SHCBP1L: variants seen among roughly 807,000 people sequenced by gnomAD.
The protein encoded by SHCBP1L is testicular spindle-associated protein SHCBP1L.
A neutral mutation model predicts 62.5 loss-of-function variants in SHCBP1L; 67 were observed. That is an observed-to-expected ratio of 1.07 (90% CI 0.88 to 1.31). SHCBP1L has a LOEUF of 1.31. Among genes scored for constraint, SHCBP1L ranks in the 40% most tolerant of loss-of-function variants. SHCBP1L has a pLI of 0.00. For synonymous variants in SHCBP1L, 284 were observed against 289.4 expected (o/e 0.98, Z 0.19); for missense variants, 823 against 809.8 (o/e 1.02, Z -0.20).
rs762530531 is a variant in SHCBP1L, at chr1:182,900,018, T to C, written c.1927A>G (p.Asn643Asp). Reference sequence around the variant, plus strand: ...ACTATTCTGATATCCCCCTTGACGTTTGCTTCTATCTTATTATTATTCATT... The same window carrying C: ...ACTATTCTGATATCCCCCTTGACGTCTGCTTCTATCTTATTATTATTCATT... ...LEMNNNKIEA[N>D]VKGDIRIVTS Residue 643 changes from asparagine (N) to aspartate (D), a missense_variant, in exon 10 of 10, where the codon AAC becomes GAC. Asn to Asp is a conservative substitution (Grantham distance 23). Coordinates refer to ENST00000367547, the MANE Select transcript of SHCBP1L (RefSeq NM_030933.4). The C allele has an allele frequency of 6.2e-7, 1 of 1,612,002 alleles. No individual in the cohort carries two copies. The highest frequency in any genetic ancestry group is 1.7e-5 in the Admixed American group (1 of 59,658).
chr1:182,928,355 A>G (rs1358915868), intron 6 of SHCBP1L, among the ~76,000 whole-genome samples: 1 of 152,220 alleles, frequency 6.6e-6, no homozygotes, highest in African/African-American at 2.4e-5. Context: ...TTTGCTCTCA[A>G]GAAGCTCACA....
intron 6 of SHCBP1L, among the ~76,000 whole-genome samples, chr1:182,925,103 GAAGA>G (rs1650700318): frequency 1.3e-5 from 2 of 151,374 alleles, no homozygotes; most frequent in African/African-American, 4.8e-5. Flanking sequence ...GGAAAGAAGT[GAAGA>G]AAGAAAGAAG....
intron 5 of SHCBP1L, among the ~76,000 whole-genome samples, chr1:182,931,134 T>C (rs914233700): frequency 6.6e-6 from 1 of 152,134 alleles, no homozygotes; most frequent in Non-Finnish European, 1.5e-5. Context: ...TTTAAACATA[T>C]AGCAGTATCC....
At chr1:182,948,196 C>A (rs1048782019) in intron 2 of SHCBP1L, among the ~76,000 whole-genome samples, 2 of 152,094 alleles carry the variant, frequency 1.3e-5, no homozygotes, top group African/African-American at 4.8e-5. Context: ...GGAGTCAACA[C>A]TATGTTTCTA....
At chr1:182,934,790 T>G (rs547367233) in intron 5 of SHCBP1L, among the ~76,000 whole-genome samples, 43 of 152,180 alleles carry the variant, frequency 2.8e-4, no homozygotes, top group Non-Finnish European at 5.6e-4. Flanking sequence ...ATGAGTCTTA[T>G]AGTTTTGAGT....
At chr1:182,920,166 C>T (rs909437109) in intron 6 of SHCBP1L, among the ~76,000 whole-genome samples, 3 of 152,196 alleles carry the variant, frequency 2.0e-5, no homozygotes, top group Admixed American at 2.0e-4. Context: ...TTAGCACTCA[C>T]CATCGAAGTG....
Position 182,939,291 on chromosome 1 carries a change from G to C in SHCBP1L, c.961C>G (p.Gln321Glu), listed in dbSNP as rs1651275982. ...GATGGATCTTCTTTAATATTGCTCT[G>C]ATACTCAATGAGCTCGACACGTTTG... ...KNKRVELIEYQSNIKEDPSAA... is the reference protein window; with the variant it reads ...KNKRVELIEYESNIKEDPSAA... Residue 321 changes from glutamine (Q) to glutamate (E), a missense_variant, in exon 5 of 10, where the codon CAG (glutamine) becomes GAG (glutamate). Physicochemically the swap from Gln to Glu is conservative, Grantham distance 29. Coordinates refer to ENST00000367547, the MANE Select transcript of SHCBP1L (RefSeq NM_030933.4). The C allele has an allele frequency of 6.2e-7, 1 of 1,613,752 alleles. No homozygotes were observed. The highest frequency in any genetic ancestry group is 8.5e-7 in the Non-Finnish European group (1 of 1,179,928).
intron 6 of SHCBP1L, among the ~76,000 whole-genome samples, chr1:182,924,578 G>T (rs1299015632): frequency 6.6e-6 from 1 of 151,404 alleles, no homozygotes; most frequent in Non-Finnish European, 1.5e-5. Context: ...TTACAGGTGT[G>T]AGCCACCGCG....
intron 6 of SHCBP1L, among the ~76,000 whole-genome samples, chr1:182,906,774 A>G (rs1397904184): frequency 6.6e-6 from 1 of 152,136 alleles, no homozygotes; most frequent in Non-Finnish European, 1.5e-5. Flanking sequence ...TTGGGAGTAG[A>G]AAAGAGGAGA....
intron 2 of SHCBP1L, among the ~76,000 whole-genome samples, chr1:182,941,745 A>G (rs1281051555): frequency 6.6e-6 from 1 of 152,250 alleles, no homozygotes; most frequent in Non-Finnish European, 1.5e-5. Context: ...TGTTCAAGAC[A>G]TTAAATGCAG....
intron 6 of SHCBP1L, among the ~76,000 whole-genome samples, chr1:182,906,272 A>G (rs545373728): frequency 1.3e-5 from 2 of 152,086 alleles, no homozygotes; most frequent in South Asian, 2.1e-4. Flanking sequence ...AGGTTAAGGA[A>G]ATTGAACCTT....
Position 182,952,905 on chromosome 1 carries a change from G to A in SHCBP1L, c.229C>T (p.Gln77Ter), listed in dbSNP as rs759537299. Residue 77 changes from glutamine to a stop codon, truncating the protein, a stop_gained, in exon 1 of 10, where the codon CAG (glutamine) becomes TAG (stop). Transcript: ENST00000367547. LOFTEE classifies it high-confidence loss of function. The part of the protein sequence containing the change: ...RLRLQRLPAA[Q>*]AEDTGEAAAA... ...GCCGCCTCTCCCGTGTCCTCGGCCT[G>A]AGCCGCGGGCAGGCGCTGGAGCCGC... 6.3e-7 allele frequency: 1 copy of A among 1,578,972 alleles called. No individual in the cohort carries two copies. Among genetic ancestry groups the A allele is most frequent in the Admixed American group, 1.8e-5 (1 of 55,386 alleles).
intron 6 of SHCBP1L, among the ~76,000 whole-genome samples, chr1:182,913,059 C>T (rs1273348068): frequency 1.3e-5 from 2 of 151,748 alleles, no homozygotes; most frequent in African/African-American, 4.8e-5. Flanking sequence ...CGCTTGAACC[C>T]AGGAGGTGGA....
chr1:182,915,080 T>C (rs1423342582), intron 6 of SHCBP1L, among the ~76,000 whole-genome samples: 1 of 142,254 alleles, frequency 7.0e-6, no homozygotes, highest in East Asian at 2.1e-4. Context: ...GAGAATCACT[T>C]GAACCTGGGA....
intron 9 of SHCBP1L, 66 bp downstream of exon 9, chr1:182,902,973 A>T: frequency 8.0e-7 from 1 of 1,249,640 alleles, no homozygotes; most frequent in Non-Finnish European, 1.1e-6. Context: ...ACTAAAACTA[A>T]TATTTTAGTA....
intron 5 of SHCBP1L, among the ~76,000 whole-genome samples, chr1:182,934,021 C>A (rs1651090654): frequency 6.6e-6 from 1 of 152,050 alleles, no homozygotes; most frequent in Non-Finnish European, 1.5e-5. Flanking sequence ...GTTATAGAGC[C>A]AGTCAGAATT....
rs1182783771 is a variant in SHCBP1L at position 182,930,653 on chromosome 1, ATGTGTGTGTGTGTGTGTGTGTG to A, written c.1077-923_1077-902del. On this transcript the variant is annotated intron_variant, in intron 5 of 9. Transcript: ENST00000367547. Reference sequence around the variant, plus strand: ...AAGACAGGGTCTTGCCCTGGAGTATATGTGTGTGTGTGTGTGTGTGTGTGTGTGTGTGTGTGTGTGTGTGTGT... The same window carrying A: ...AAGACAGGGTCTTGCCCTGGAGTATATGTGTGTGTGTGTGTGTGTGTGTGT... Among the ~76,000 whole-genome samples the A allele has an allele frequency of 3.7e-3, 92 of 24,664 alleles. 3 individuals carry two copies. The highest frequency in any genetic ancestry group is 0.011 in the African/African-American group (79 of 7,126). The allele number at this position is 24,664 out of a possible 152,430, so 16.2% of individuals were successfully genotyped here. A position where few individuals can be genotyped will look rare whatever the true frequency, so the allele number is the denominator to read the frequency against.
chr1:182,940,600 G>A, intron 2 of SHCBP1L, 57 bp from the exon 3 acceptor site: 4 of 1,446,990 alleles, frequency 2.8e-6, no homozygotes, highest in Non-Finnish European at 2.8e-6. Context: ...GTAAACCGCA[G>A]GATTTCTTTC....
At chr1:182,922,927 G>T (rs1035096596) in intron 6 of SHCBP1L, among the ~76,000 whole-genome samples, 1 of 152,088 alleles carries the variant, frequency 6.6e-6, no homozygotes, top group African/African-American at 2.4e-5. Flanking sequence ...AATTTGAGAT[G>T]TGAAAAACCA....
Sources: allele counts gnomAD v4.1 joint callset (sites outside exome capture counted in the v4.1 genomes callset), GRCh38; gene constraint gnomAD v4.1.1; transcripts MANE v1.5; gene names NCBI Gene and HGNC (gene_info 2026-07-23, HGNC 2026-07-21).